The following TRPM8 variants were observed in gnomAD, a reference collection of about 807,000 sequenced individuals.
TRPM8 encodes the protein TRPM8 cationic channel.
Under a neutral mutation model 133.7 loss-of-function variants are expected in TRPM8, and 110 were observed. The ratio of observed to expected loss-of-function variants is 0.82; its 90% CI spans 0.70 to 0.96. The LOEUF (loss-of-function observed/expected upper bound fraction) is 0.96. TRPM8 is among the 40% of genes least tolerant of loss of function. The probability of loss-of-function intolerance (pLI) is 0.00; values close to 1 mark genes in which losing one functional copy is unlikely to be tolerated. For synonymous variants in TRPM8, 535 were observed against 532.3 expected (o/e 1.01, Z -0.07); for missense variants, 1,291 against 1,379.5 (o/e 0.94, Z 1.02).
chr2:233,933,574 A>T (rs1039574681), intron 3 of TRPM8, among the ~76,000 whole-genome samples: 17 of 152,274 alleles, frequency 1.1e-4, no homozygotes, highest in Admixed American at 1.0e-3. Context: ...TTTATAAACC[A>T]GTTCATACAA....
intron 15 of TRPM8, 107 bp downstream of exon 15, chr2:233,966,862 T>G: frequency 7.4e-7 from 1 of 1,356,700 alleles, no homozygotes; most frequent in Non-Finnish European, 9.7e-7. Context: ...TTCTCCAATA[T>G]AAAAGCCATA....
chr2:233,946,015 G>A lies in TRPM8; in HGVS notation c.859G>A (p.Glu287Lys). The change falls in exon 7 of 26, where the codon GAG becomes AAG. Residue 287 changes from glutamate to lysine, a missense_variant. This residue lies in a region of TRPM8 where 963 missense variants were observed against 968.9 expected (regional missense o/e 0.99). Coordinates refer to ENST00000324695, the MANE Select transcript of TRPM8 (RefSeq NM_024080.5). Reference protein sequence around the residue: ...LRNQLEKYISERTIQDSNYGG... With the variant: ...LRNQLEKYISKRTIQDSNYGG... ...GAATCAGCTAGAGAAGTATATCTCT[G>A]AGCGCACTATTCAAGGTCAGTGGTT... 1 of 1,614,106 alleles carries A rather than the reference G, an allele frequency of 6.2e-7. No individual in the cohort carries two copies. The highest frequency in any genetic ancestry group is 8.5e-7 in the Non-Finnish European group (1 of 1,179,974).
chr2:233,933,145 T>C (rs950217752), intron 3 of TRPM8, among the ~76,000 whole-genome samples: 3 of 152,002 alleles, frequency 2.0e-5, no homozygotes, highest in Admixed American at 6.6e-5. Flanking sequence ...CTCTAGTCAC[T>C]TCTCACTTCC....
chr2:233,985,798 C>A lies in TRPM8; in HGVS notation c.2872C>A (p.Pro958Thr), dbSNP rs764777971. The change falls in exon 21 of 26, where the codon CCC (proline) becomes ACC (threonine). Residue 958 changes from proline to threonine, a missense_variant. By Grantham distance (38) the Pro-to-Thr change is conservative. Transcript: ENST00000324695. ...LPRFPEWITI[P>T]LVCIYMLSTN... is the part of the protein sequence containing the mutation. Reference sequence around the variant, plus strand: ...CCGGTTCCCCGAGTGGATCACCATCCCCCTGGTGTGCATCTACATGTTATC... The same window carrying A: ...CCGGTTCCCCGAGTGGATCACCATCACCCTGGTGTGCATCTACATGTTATC... 8.7e-6 allele frequency: 14 copies of A among 1,614,080 alleles called. No individual in the cohort carries two copies. The highest frequency in any genetic ancestry group is 1.2e-5 in the Non-Finnish European group (14 of 1,180,054).
Position 233,950,044 on chromosome 2 carries a change from G to T in TRPM8, c.1038G>T (p.Glu346Asp). 6.2e-7 allele frequency: 1 copy of T among 1,614,164 alleles called. No homozygotes were observed. Among genetic ancestry groups the T allele is most frequent in the Non-Finnish European group, 8.5e-7 (1 of 1,180,040 alleles). ...ADVIASLVEV[E>D]DALTSSAVKE... ...TGATCGCTAGCCTGGTGGAGGTGGA[G>T]GATGCCCTGACATCTTCTGCCGTCA... The change falls in exon 9 of 26, where the codon GAG becomes GAT. Residue 346 changes from glutamate to aspartate, a missense_variant. Glu to Asp is a conservative substitution (Grantham distance 45). Transcript: ENST00000324695.
intron 4 of TRPM8, among the ~76,000 whole-genome samples, chr2:233,938,722 G>A (rs568903989): frequency 1.3e-5 from 2 of 151,996 alleles, no homozygotes; most frequent in South Asian, 4.2e-4. Context: ...GAGCAGAGGG[G>A]TGACTTTGAA....
At position 233,951,223 on chromosome 2, in the gene TRPM8, C is replaced by T. The variant is rs111968225; in HGVS notation, c.1140+1077C>T. ...CTAGTTTGGGTGACATAGTAAGATC[C>T]CATCTCAGCAAAAAAACAAAAACAA... On this transcript the variant is annotated intron_variant, in intron 9 of 25. Transcript: ENST00000324695. Among the ~76,000 whole-genome samples the T allele has an allele frequency of 4.2e-3, 637 of 152,102 alleles. 7 individuals are homozygous for T. The highest frequency in any genetic ancestry group is 0.015 in the African/African-American group (620 of 41,492).
At chr2:233,942,310 C>T (rs1690929074) in intron 5 of TRPM8, among the ~76,000 whole-genome samples, 1 of 152,048 alleles carries the variant, frequency 6.6e-6, no homozygotes, top group Non-Finnish European at 1.5e-5. Flanking sequence ...GAACTCCTGA[C>T]CTCGTGATCC....
chr2:234,006,052 A>AAAG (rs1359425900), intron 22 of TRPM8, among the ~76,000 whole-genome samples: 1 of 152,084 alleles, frequency 6.6e-6, no homozygotes, highest in Non-Finnish European at 1.5e-5. Flanking sequence ...GAAATCTTAT[A>AAAG]ATTATTCCTA....
chr2:233,950,273 C>T, intron 9 of TRPM8, 127 bp downstream of exon 9: 4 of 894,268 alleles, frequency 4.5e-6, no homozygotes, highest in Non-Finnish European at 6.8e-6. Flanking sequence ...GCCTTTGAGG[C>T]TCAACAGGTG....
rs150202526 is a variant in TRPM8, at chr2:233,918,445, G to A, written c.-6+1013G>A. Among the ~76,000 whole-genome samples, 380 of 151,988 alleles carry A rather than the reference G, an allele frequency of 2.5e-3. 2 individuals carry two copies. The highest frequency in any genetic ancestry group is 0.017 in the Middle Eastern group (5 of 292). On this transcript the variant is annotated intron_variant, in intron 1 of 25. Transcript: ENST00000324695. ...AACTGATATCATTCTTGGCACCTGT[G>A]AAGACAGTAGGGGTCCAGGCTGCAT...
At chr2:233,947,054 G>T (rs765440927) in intron 7 of TRPM8, 34 bp from the exon 8 acceptor site, 1 of 1,603,574 alleles carries the variant, frequency 6.2e-7, no homozygotes, top group East Asian at 2.2e-5. Context: ...TTTCTAATGA[G>T]CTCAAAATAT....
intron 11 of TRPM8, among the ~76,000 whole-genome samples, chr2:233,959,976 T>G (rs976517321): frequency 6.6e-6 from 1 of 150,816 alleles, no homozygotes; most frequent in Non-Finnish European, 1.5e-5. Context: ...AGAGATGGGG[T>G]TTCACCCTAT....
rs764317755 is a variant in TRPM8, at chr2:233,950,187, A to G, written c.1140+41A>G. 1.3e-5 allele frequency: 21 copies of G among 1,583,102 alleles called. No individual in the cohort carries two copies. In the South Asian group the frequency reaches 2.4e-4, roughly 18 times the overall value. On this transcript the variant is annotated intron_variant, in intron 9 of 25. Transcript: ENST00000324695. ...CATGTCTGAGGGCTGAGAAAATAAG[A>G]CAAGTTGGTGAGAAGGGAGAATGCC...
intron 22 of TRPM8, among the ~76,000 whole-genome samples, chr2:234,003,187 T>C (rs1427713990): frequency 1.3e-5 from 2 of 152,192 alleles, no homozygotes; most frequent in East Asian, 1.9e-4. Context: ...GCCCCTGAAG[T>C]CTGGCTTTCA....
intron 21 of TRPM8, among the ~76,000 whole-genome samples, chr2:233,992,214 C>A (rs890244075): frequency 6.6e-6 from 1 of 150,938 alleles, no homozygotes; most frequent in African/African-American, 2.4e-5. Flanking sequence ...AATTACTTTT[C>A]TTTTTTTTTC....
At chr2:233,956,112 G>A (rs1423643310) in intron 11 of TRPM8, among the ~76,000 whole-genome samples, 2 of 152,034 alleles carry the variant, frequency 1.3e-5, no homozygotes, top group South Asian at 2.1e-4. Context: ...ATATTACAAT[G>A]TAATAATAAT....
At chr2:234,000,860 G>A (rs908497562) in intron 22 of TRPM8, among the ~76,000 whole-genome samples, 1 of 152,086 alleles carries the variant, frequency 6.6e-6, no homozygotes, top group Admixed American at 6.5e-5. Flanking sequence ...TGTATTTTTA[G>A]TAGGGACAGG....
intron 3 of TRPM8, among the ~76,000 whole-genome samples, chr2:233,931,706 T>G (rs960849765): frequency 6.6e-6 from 1 of 152,216 alleles, no homozygotes; most frequent in East Asian, 1.9e-4. Flanking sequence ...TAATTCTTAC[T>G]TCATGTGAAT....
Sources: allele counts gnomAD v4.1 joint callset (sites outside exome capture counted in the v4.1 genomes callset), GRCh38; gene constraint gnomAD v4.1.1; regional missense constraint gnomAD v4.1.1; transcripts MANE v1.5; gene names NCBI Gene and HGNC (gene_info 2026-07-23, HGNC 2026-07-21).